The following GRXCR1 variants were observed in gnomAD, a reference collection of about 807,000 sequenced individuals.
GRXCR1 encodes the protein glutaredoxin and cysteine rich domain containing 1.
GRXCR1 carries 27 observed loss-of-function variants against 27.3 expected under a neutral mutation model. The ratio of observed to expected loss-of-function variants is 0.99; its 90% CI spans 0.73 to 1.37. The LOEUF is 1.37. Ranked by LOEUF, GRXCR1 falls within the 40% of genes most tolerant of loss-of-function variation. The pLI, the probability that GRXCR1 is intolerant of heterozygous loss-of-function variation, is 0.00. For synonymous variants in GRXCR1, 122 were observed against 131.1 expected (o/e 0.93, Z 0.47); for missense variants, 379 against 354.4 (o/e 1.07, Z -0.56).
chr4:42,911,993 G>C (rs1393823996), intron 1 of GRXCR1, among the ~76,000 whole-genome samples: 2 of 152,116 alleles, frequency 1.3e-5, no homozygotes, highest in East Asian at 3.9e-4. Flanking sequence ...AAGCTGTTCT[G>C]AGTTCTTAGT....
chr4:42,960,153 C>T (rs1444145966), intron 1 of GRXCR1, among the ~76,000 whole-genome samples: 16 of 151,932 alleles, frequency 1.1e-4, no homozygotes, highest in African/African-American at 3.1e-4. Flanking sequence ...GTTAACATGG[C>T]AGCAAGTTGG....
chr4:42,998,009 T>G (rs73811497), intron 2 of GRXCR1, among the ~76,000 whole-genome samples: 4,063 of 152,294 alleles, frequency 0.027, 185 homozygotes, highest in African/African-American at 0.092. Flanking sequence ...AGAATAATAC[T>G]TTTTTAAAAG....
chr4:42,973,082 C>A (rs1415225114), intron 2 of GRXCR1, among the ~76,000 whole-genome samples: 2 of 151,986 alleles, frequency 1.3e-5, no homozygotes, highest in African/African-American at 4.8e-5. Context: ...GTCTCCTTAC[C>A]TTACTAGATT....
chr4:42,960,142 G>T (rs1188543275), intron 1 of GRXCR1, among the ~76,000 whole-genome samples: 1 of 151,880 alleles, frequency 6.6e-6, no homozygotes, highest in Non-Finnish European at 1.5e-5. Flanking sequence ...TACATGAGTT[G>T]GTTAACATGG....
rs138342301 is a variant in GRXCR1, at chr4:42,959,227, A to G, written c.385-3665A>G. On this transcript the variant is annotated intron_variant, in intron 1 of 3. Transcript: ENST00000399770. Reference sequence around the variant, plus strand: ...GAAATTGTGGTATATATAAACAATGAATACGATTCAGCCTTAAAAATGAAA... The same window carrying G: ...GAAATTGTGGTATATATAAACAATGGATACGATTCAGCCTTAAAAATGAAA... Among the ~76,000 whole-genome samples the G allele has an allele frequency of 2.5e-3, 378 of 152,146 alleles. 1 individual carries two copies. The highest frequency in any genetic ancestry group is 8.8e-3 in the African/African-American group (365 of 41,568).
At chr4:43,001,646 C>T (rs1378055442) in intron 2 of GRXCR1, among the ~76,000 whole-genome samples, 2 of 151,808 alleles carry the variant, frequency 1.3e-5, no homozygotes, top group South Asian at 2.1e-4. Flanking sequence ...AAGGGGTGGC[C>T]CTGCCCCTCC....
chr4:42,925,319 A>G (rs1560651517), intron 1 of GRXCR1, among the ~76,000 whole-genome samples: 1 of 152,030 alleles, frequency 6.6e-6, no homozygotes, highest in Non-Finnish European at 1.5e-5. Context: ...TGGAAGTAGG[A>G]TGTTCCAACA....
intron 1 of GRXCR1, among the ~76,000 whole-genome samples, chr4:42,893,855 C>T (rs563454295): frequency 1.3e-5 from 2 of 152,246 alleles, no homozygotes; most frequent in East Asian, 3.9e-4. Context: ...GTTCTCAAAG[C>T]CAAATTTCTA....
chr4:42,984,144 C>T (rs1018963811), intron 2 of GRXCR1, among the ~76,000 whole-genome samples: 5 of 152,192 alleles, frequency 3.3e-5, no homozygotes, highest in Non-Finnish European at 5.9e-5. Context: ...CCCACAGATA[C>T]ATTTTTAAGC....
rs963647163 is a variant in GRXCR1 at position 43,025,181 on chromosome 4, C to A, written c.693+4762C>A. Among the ~76,000 whole-genome samples the A allele has an allele frequency of 3.0e-4, 45 of 152,084 alleles. 1 individual carries two copies. The highest frequency in any genetic ancestry group is 1.0e-3 in the African/African-American group (43 of 41,390). On this transcript the variant is annotated intron_variant, in intron 3 of 3. Coordinates refer to ENST00000399770, the MANE Select transcript of GRXCR1 (RefSeq NM_001080476.3). Reference sequence around the variant, plus strand: ...ATTTCACAATCATTCATAAACTCTGCCATTATCTTTGTCGTTTGTCGTTTT... The same window carrying A: ...ATTTCACAATCATTCATAAACTCTGACATTATCTTTGTCGTTTGTCGTTTT...
intron 2 of GRXCR1, among the ~76,000 whole-genome samples, chr4:43,001,547 G>A (rs966717509): frequency 6.6e-6 from 1 of 152,086 alleles, no homozygotes; most frequent in Non-Finnish European, 1.5e-5. Context: ...ATTTGTACTC[G>A]TAAAAACACA....
At chr4:43,011,865 A>T (rs1712761255) in intron 2 of GRXCR1, among the ~76,000 whole-genome samples, 1 of 152,168 alleles carries the variant, frequency 6.6e-6, no homozygotes, top group Admixed American at 6.6e-5. Flanking sequence ...AGATAGTAGC[A>T]TGAATAATAA....
At chr4:42,973,748 T>G (rs1748440676) in intron 2 of GRXCR1, among the ~76,000 whole-genome samples, 1 of 152,160 alleles carries the variant, frequency 6.6e-6, no homozygotes, top group Non-Finnish European at 1.5e-5. Context: ...GATAAACTCT[T>G]TTTCTTACTG....
At chr4:42,897,294 C>T (rs1018806829) in intron 1 of GRXCR1, among the ~76,000 whole-genome samples, 5 of 152,002 alleles carry the variant, frequency 3.3e-5, no homozygotes, top group Non-Finnish European at 7.4e-5. Flanking sequence ...GATTACATTT[C>T]AGACAGCGAT....
intron 2 of GRXCR1, among the ~76,000 whole-genome samples, chr4:43,017,460 GT>G (rs1712964016): frequency 6.6e-6 from 1 of 152,038 alleles, no homozygotes; most frequent in Non-Finnish European, 1.5e-5. Flanking sequence ...TTAAACTTTA[GT>G]TTTTTTATTT....
At chr4:42,952,651 G>C (rs1747911975) in intron 1 of GRXCR1, among the ~76,000 whole-genome samples, 1 of 152,060 alleles carries the variant, frequency 6.6e-6, no homozygotes, top group Non-Finnish European at 1.5e-5. Flanking sequence ...AATTAAATTG[G>C]AAAGTCATAC....
chr4:43,025,858 C>A (rs1713241553), intron 3 of GRXCR1, among the ~76,000 whole-genome samples: 1 of 151,924 alleles, frequency 6.6e-6, no homozygotes, highest in Non-Finnish European at 1.5e-5. Flanking sequence ...CGCCTGTAGT[C>A]CCAGCTACTC....
chr4:42,938,309 A>G (rs1294596606), intron 1 of GRXCR1, among the ~76,000 whole-genome samples: 2 of 151,924 alleles, frequency 1.3e-5, no homozygotes, highest in African/African-American at 4.8e-5. Context: ...CATGTGCAAC[A>G]TTTTCTTTAT....
At chr4:42,976,477 A>G (rs1236578609) in intron 2 of GRXCR1, among the ~76,000 whole-genome samples, 1 of 152,018 alleles carries the variant, frequency 6.6e-6, no homozygotes, top group Non-Finnish European at 1.5e-5. Flanking sequence ...TAATGTACAC[A>G]CAGAATAATG....
Sources: gnomAD v4.1 joint callset for allele counts (sites outside exome capture counted in the v4.1 genomes callset) on GRCh38, gnomAD v4.1.1 for gene constraint, MANE v1.5 for transcripts, NCBI Gene and HGNC (gene_info 2026-07-23, HGNC 2026-07-21) for gene names.